The following MACROD2 variants were observed in gnomAD, a reference collection of about 807,000 sequenced individuals.
MACROD2 encodes mono-ADP ribosylhydrolase 2, also known as ADP-ribose glycohydrolase MACROD2.
MACROD2 carries 36 observed loss-of-function variants against 70.4 expected under a neutral mutation model. The ratio of observed to expected loss-of-function variants is 0.51; its 90% CI spans 0.39 to 0.68. The LOEUF is 0.68. Among genes scored for constraint, MACROD2 ranks in the 30% least tolerant of loss-of-function variants. The pLI, the probability that MACROD2 is intolerant of heterozygous loss-of-function variation, is 0.00. For missense variants in MACROD2, 496 were observed against 538.4 expected (o/e 0.92, Z 0.78); for synonymous variants, 172 against 178.8 (o/e 0.96, Z 0.30).
chr20:15,887,337 G>C (rs1186457002), intron 10 of MACROD2, among the ~76,000 whole-genome samples: 2 of 152,098 alleles, frequency 1.3e-5, no homozygotes, highest in African/African-American at 2.4e-5. Flanking sequence ...GGTTTCCTTG[G>C]ACTTCCAAAT....
intron 3 of MACROD2, among the ~76,000 whole-genome samples, chr20:14,452,228 C>T (rs1157769335): frequency 6.6e-6 from 1 of 151,882 alleles, no homozygotes; most frequent in Non-Finnish European, 1.5e-5. Context: ...TTTCTTTATT[C>T]TAATTGCACA....
chr20:14,824,584 G>A lies in MACROD2; in HGVS notation c.418+139625G>A, dbSNP rs539732261. 3.9e-5 allele frequency among the ~76,000 whole-genome samples: 6 copies of A among 152,100 alleles called. No homozygotes were observed. In the East Asian group the frequency reaches 5.8e-4, roughly 15 times the overall value. On this transcript the variant is annotated intron_variant, in intron 5 of 17. Transcript: ENST00000684519. ...ACTGGGAGGTCTCAATTCTCCTCAC[G>A]TGACCTCTCCACATGACTAGGCTGA...
At chr20:14,215,646 C>A (rs1203283298) in intron 3 of MACROD2, among the ~76,000 whole-genome samples, 1 of 152,074 alleles carries the variant, frequency 6.6e-6, no homozygotes, top group Non-Finnish European at 1.5e-5. Context: ...GAAGTGTTCC[C>A]TGTTCACTGC....
chr20:14,654,574 A>C (rs2123518766), intron 4 of MACROD2, among the ~76,000 whole-genome samples: 1 of 152,242 alleles, frequency 6.6e-6, no homozygotes, highest in South Asian at 2.1e-4. Context: ...ATTCTTTGAA[A>C]ACTTGTTTTC....
chr20:14,873,347 A>G (rs1285997773), intron 5 of MACROD2, among the ~76,000 whole-genome samples: 1 of 152,110 alleles, frequency 6.6e-6, no homozygotes, highest in Non-Finnish European at 1.5e-5. Context: ...TCTGTCTGCA[A>G]CTACAGTCAC....
intron 4 of MACROD2, among the ~76,000 whole-genome samples, chr20:14,624,017 C>T (rs1983988189): frequency 1.3e-5 from 2 of 152,206 alleles, no homozygotes; most frequent in Admixed American, 6.5e-5. Context: ...GTCTTGGACT[C>T]TTAAGGAACC....
chr20:14,201,272 C>T (rs2081477404), intron 3 of MACROD2, among the ~76,000 whole-genome samples: 2 of 152,096 alleles, frequency 1.3e-5, no homozygotes, highest in Non-Finnish European at 2.9e-5. Flanking sequence ...GAAGAAAGGC[C>T]TTGGATAATC....
intron 3 of MACROD2, among the ~76,000 whole-genome samples, chr20:14,492,777 A>AT (rs1325833890): frequency 6.6e-6 from 1 of 152,068 alleles, no homozygotes; most frequent in African/African-American, 2.4e-5. Flanking sequence ...TTATATTTGG[A>AT]TAAATTTAGG....
chr20:14,067,958 G>C (rs545420365), intron 2 of MACROD2, among the ~76,000 whole-genome samples: 5 of 152,204 alleles, frequency 3.3e-5, no homozygotes, highest in Non-Finnish European at 5.9e-5. Flanking sequence ...GTTACCTCAA[G>C]AGGGTGGTTA....
chr20:15,025,071 T>C (rs2075219805), intron 5 of MACROD2, among the ~76,000 whole-genome samples: 5 of 152,180 alleles, frequency 3.3e-5, no homozygotes, highest in Admixed American at 3.3e-4. Context: ...AATGTTGTTT[T>C]TTTTGTTTGT....
In MACROD2 at chr20:15,987,133, C is replaced by T; in HGVS notation, c.1128C>T (p.Asp376=). ...CAGAAGTGATTCCATTAACAGAGGA[C>T]CAAGAAGAAAAAGAAGGTGAAAAAG... is the stretch of plus-strand genomic sequence containing the variant. ...EQPEVIPLTE[D]QEEKEGEKAP... Residue 376 remains aspartate (D), a synonymous_variant, in exon 15 of 18, where the codon GAC becomes GAT. Transcript: ENST00000684519. 1 of 1,610,372 alleles carries T rather than the reference C, an allele frequency of 6.2e-7. No homozygotes were observed. Among genetic ancestry groups the T allele is most frequent in the Non-Finnish European group, 8.5e-7 (1 of 1,179,148 alleles).
At chr20:15,706,699 A>C (rs2050537516) in intron 8 of MACROD2, among the ~76,000 whole-genome samples, 1 of 152,230 alleles carries the variant, frequency 6.6e-6, no homozygotes, top group East Asian at 1.9e-4. Context: ...ATAAAATAGC[A>C]CACTAATAGG....
At chr20:14,890,384 T>A (rs911231259) in intron 5 of MACROD2, among the ~76,000 whole-genome samples, 1 of 152,018 alleles carries the variant, frequency 6.6e-6, no homozygotes, top group Non-Finnish European at 1.5e-5. Context: ...TAAGAAGATA[T>A]GACCAGTGAT....
intron 6 of MACROD2, among the ~76,000 whole-genome samples, chr20:15,293,637 G>A (rs6043179): frequency 0.13 from 20,282 of 152,266 alleles, 1,437 homozygotes; most frequent in Middle Eastern, 0.23. Context: ...ACCTGGAGGT[G>A]AGGTCAGGGG....
chr20:15,509,653 G>A (rs370899038), intron 8 of MACROD2, among the ~76,000 whole-genome samples: 5 of 152,146 alleles, frequency 3.3e-5, no homozygotes, highest in Non-Finnish European at 5.9e-5. Context: ...TAAGAGGTAG[G>A]GTGCAGTTAT....
intron 3 of MACROD2, among the ~76,000 whole-genome samples, chr20:14,335,641 G>A (rs2082922096): frequency 6.6e-6 from 1 of 152,074 alleles, no homozygotes; most frequent in African/African-American, 2.4e-5. Context: ...AAAGGGTGGG[G>A]TGCAGCGAAA....
At chr20:14,011,931 C>G (rs1481093118) in intron 2 of MACROD2, among the ~76,000 whole-genome samples, 1 of 151,154 alleles carries the variant, frequency 6.6e-6, no homozygotes, top group Non-Finnish European at 1.5e-5. Flanking sequence ...TTTTTAAAGG[C>G]AGAGTCTCGC....
intron 8 of MACROD2, among the ~76,000 whole-genome samples, chr20:15,614,099 T>A (rs1306881432): frequency 6.6e-6 from 1 of 152,228 alleles, no homozygotes; most frequent in Non-Finnish European, 1.5e-5. Context: ...GTAAGTCAGT[T>A]CATTCCTGCT....
chr20:15,196,087 A>C (rs1247876890), intron 5 of MACROD2, among the ~76,000 whole-genome samples: 1 of 152,152 alleles, frequency 6.6e-6, no homozygotes, highest in Non-Finnish European at 1.5e-5. Context: ...AGAGTGGAGC[A>C]GGGAAAGGGA....
Sources: allele counts gnomAD v4.1 joint callset (sites outside exome capture counted in the v4.1 genomes callset), GRCh38; gene constraint gnomAD v4.1.1; transcripts MANE v1.5; gene names NCBI Gene and HGNC (gene_info 2026-07-23, HGNC 2026-07-21).